Variants in GMCL2 observed in about 807,000 individuals in gnomAD.
GMCL2 encodes the protein germ cell-less 2, spermatogenesis associated.
A neutral mutation model predicts 36.2 loss-of-function variants in GMCL2; 33 were observed. The ratio of observed to expected loss-of-function variants is 0.91; its 90% CI spans 0.69 to 1.22. The LOEUF is 1.22. Ranked by LOEUF, GMCL2 falls within the 50% of genes most tolerant of loss-of-function variation. The pLI is 0.00. For synonymous variants in GMCL2, 172 were observed against 184.3 expected, an observed-to-expected ratio of 0.93 and a Z score of 0.54; for missense variants, 478 against 514.5, an observed-to-expected ratio of 0.93 and a Z score of 0.69.
Position 178,185,687 on chromosome 5 carries a change from C to T in GMCL2, c.*32G>A. On this transcript the variant is annotated 3_prime_UTR_variant, in exon 1 of 1. Transcript: ENST00000463439. The stretch of plus-strand genomic sequence containing the variant: ...AAATTAAAGCTGGCCTGAAAGTTTT[C>T]AAAGTGCTACTGTTTCCAACTGATG... 3.0e-6 allele frequency: 2 copies of T among 671,554 alleles called. No individual in the cohort carries two copies. The highest frequency in any genetic ancestry group is 3.0e-5 in the South Asian group (2 of 67,692). 41.6% of individuals were successfully genotyped at this position (671,554 alleles called of 1,614,324 possible). A position where few individuals can be genotyped will look rare whatever the true frequency, so the allele number is the denominator to read the frequency against.
In GMCL2 at chr5:178,186,773, A is replaced by G. The variant is rs549848250; in HGVS notation, c.527T>C (p.Ile176Thr). 2.5e-6 allele frequency: 4 copies of G among 1,609,356 alleles called. No individual in the cohort carries two copies. Among genetic ancestry groups the G allele is most frequent in the Non-Finnish European group, 3.4e-6 (4 of 1,175,650 alleles). The stretch of plus-strand genomic sequence containing the variant: ...AATGGCAACAACTCGACTGGGTTTT[A>G]TCAAGACATCATCTCGATACAGTGA... The part of the protein sequence containing the change: ...FGSLYRDDVL[I>T]KPSRVVAILA... The change falls in exon 1 of 1, where the codon ATA becomes ACA. Residue 176 changes from isoleucine to threonine, a missense_variant. By Grantham distance (89) the Ile-to-Thr change is moderately conservative. Transcript: ENST00000463439.
Position 178,187,187 on chromosome 5 carries a change from G to T in GMCL2, c.113C>A (p.Ala38Glu), listed in dbSNP as rs749901075. The change falls in exon 1 of 1, where the codon GCG becomes GAG. Residue 38 changes from alanine (A) to glutamate (E), a missense_variant. By Grantham distance (107) the Ala-to-Glu change is moderately radical. This residue lies in a region of GMCL2 where 127 missense variants were observed against 86.4 expected (regional missense o/e 1.47). Coordinates refer to ENST00000463439, the MANE Select transcript of GMCL2 (RefSeq NM_001358008.2). The part of the protein sequence containing the change: ...SARRPDTGDD[A>E]ASYGFCYCPG... ...GCAGTAACAGAAGCCGTAGCTCGCC[G>T]CATCGTCTCCAGTGTCCGGCCTCCG... 8.2e-7 allele frequency: 1 copy of T among 1,220,126 alleles called. No homozygotes were observed. The highest frequency in any genetic ancestry group is 1.2e-6 in the Non-Finnish European group (1 of 845,586). The allele number at this position is 1,220,126 out of a possible 1,614,324, so 75.6% of individuals were successfully genotyped here. A position where few individuals can be genotyped will look rare whatever the true frequency, so the allele number is the denominator to read the frequency against.
At chr5:178,186,283 AAT>A in the GMCL2 span, 1 of 1,088,734 alleles carries the variant, frequency 9.2e-7, no homozygotes. Flanking sequence ...GGTCACTGAT[AAT>A]ATATTGTAAC....
chr5:178,185,938 A>G lies in GMCL2; in HGVS notation c.1362T>C (p.Phe454=). 2 of 768,834 alleles carry G rather than the reference A, an allele frequency of 2.6e-6. No individual in the cohort carries two copies. 47.6% of individuals were successfully genotyped at this position (768,834 alleles called of 1,614,324 possible). Residue 454 remains phenylalanine (F), a synonymous_variant, in exon 1 of 1, where the codon TTT becomes TTC. Coordinates refer to ENST00000463439, the MANE Select transcript of GMCL2 (RefSeq NM_001358008.2). ...TATCAAAAGAAGCCAAGCGTAATCT[A>G]AATGCTATGCTCCTTCGAGGCCGTA... ...VSLRPRRSIA[F]RLRLASFDSS...
At position 178,186,906 on chromosome 5, in the gene GMCL2, A is replaced by G. The variant is rs1226603812; in HGVS notation, c.394T>C (p.Phe132Leu). Residue 132 changes from phenylalanine (F) to leucine (L), a missense_variant, in exon 1 of 1, where the codon TTT becomes CTT. Around this residue, in one of 5 missense-constraint regions of GMCL2, gnomAD observed 36 missense variants for 78.1 expected, o/e 0.46. Coordinates refer to ENST00000463439, the MANE Select transcript of GMCL2 (RefSeq NM_001358008.2). Reference protein sequence around the residue: ...HKIYLCQSGYFSSMFSGSWKE... With the variant: ...HKIYLCQSGYLSSMFSGSWKE... ...CAAGAACCACTGAACATACTAGAAAAGTAGCCAGATTGACATAAATATATT... is the reference window on the plus strand; with the variant it reads ...CAAGAACCACTGAACATACTAGAAAGGTAGCCAGATTGACATAAATATATT... 1.9e-6 allele frequency: 3 copies of G among 1,601,150 alleles called. No individual in the cohort carries two copies. The highest frequency in any genetic ancestry group is 2.6e-6 in the Non-Finnish European group (3 of 1,168,188).
Position 178,186,789 on chromosome 5 carries a change from G to T in GMCL2, c.511C>A (p.Arg171=), listed in dbSNP as rs535273522. The part of the protein sequence containing the change: ...ALQVAFGSLY[R]DDVLIKPSRV... ...CTGGGTTTTATCAAGACATCATCTC[G>T]ATACAGTGAACCAAACGCAACCTGC... The change falls in exon 1 of 1, where the codon CGA becomes AGA. Residue 171 remains arginine, a synonymous_variant. Transcript: ENST00000463439. The T allele has an allele frequency of 1.2e-6, 2 of 1,609,614 alleles. No homozygotes were observed. The highest frequency in any genetic ancestry group is 2.7e-5 in the African/African-American group (2 of 74,804).
rs1274067306 is a variant in GMCL2 at position 178,187,101 on chromosome 5, G to A, written c.199C>T (p.His67Tyr). 1.9e-6 allele frequency: 2 copies of A among 1,055,170 alleles called. No individual in the cohort carries two copies. The highest frequency in any genetic ancestry group is 2.9e-6 in the Non-Finnish European group (2 of 692,824). The allele number at this position is 1,055,170 out of a possible 1,614,324, so 65.4% of individuals were successfully genotyped here. Reference protein sequence around the residue: ...GACRYCDPDSHREEHEEEGDK... With the variant: ...GACRYCDPDSYREEHEEEGDK... ...CCCTCCTCCTCATGCTCCTCCCTGTGCGAGTCCGGGTCACAGTAGCGGCAG... is the reference window on the plus strand; with the variant it reads ...CCCTCCTCCTCATGCTCCTCCCTGTACGAGTCCGGGTCACAGTAGCGGCAG... The change falls in exon 1 of 1, where the codon CAC becomes TAC. Residue 67 changes from histidine (H) to tyrosine (Y), a missense_variant. Physicochemically the swap from His to Tyr is moderately conservative, Grantham distance 83. Transcript: ENST00000463439.
Position 178,187,136 on chromosome 5 carries a change from C to T in GMCL2, c.164G>A (p.Ser55Asn), listed in dbSNP as rs3812086. Residue 55 changes from serine (S) to asparagine (N), a missense_variant, in exon 1 of 1, where the codon AGC becomes AAC. Transcript: ENST00000463439. Reference protein sequence around the residue: ...YCPGSHKRKRSSGACRYCDPD... With the variant: ...YCPGSHKRKRNSGACRYCDPD... ...GTCACAGTAGCGGCAGGCCCCGCTG[C>T]TCCGCTTGCGCTTGTGACTGCCCGG... 172,190 of 1,149,124 alleles carry T rather than the reference C, an allele frequency of 0.15. 14,532 individuals carry two copies. Among genetic ancestry groups the T allele is most frequent in the East Asian group, 0.3 (11,629 of 39,176 alleles). 71.2% of individuals were successfully genotyped at this position (1,149,124 alleles called of 1,614,324 possible). A position where few individuals can be genotyped will look rare whatever the true frequency, so the allele number is the denominator to read the frequency against.
Position 178,187,363 on chromosome 5 carries a change from GC to G in GMCL2, c.-65del, listed in dbSNP as rs1756722362. On this transcript the variant is annotated 5_prime_UTR_variant, in exon 1 of 1. Transcript: ENST00000463439. ...GGGGGTCTCTGGCCATGGCCCGGCC[GC>G]CGCCGCCAGCCTTCCCCGAGCACAG... 3 of 638,832 alleles carry G rather than the reference GC, an allele frequency of 4.7e-6. No homozygotes were observed. The South Asian group carries it at 5.9e-5, about 12-fold the overall frequency. The allele number at this position is 638,832 out of a possible 1,614,324, so 39.6% of individuals were successfully genotyped here. A position where few individuals can be genotyped will look rare whatever the true frequency, so the allele number is the denominator to read the frequency against.
Position 178,185,564 on chromosome 5 carries a change from T to C in GMCL2, c.*155A>G, listed in dbSNP as rs566498328. ...GATTTTTTTTGTATATGCATAGAAA[T>C]GCAATGAGGATAAGAATAGTCTTCT... On this transcript the variant is annotated 3_prime_UTR_variant, in exon 1 of 1. Transcript: ENST00000463439. Among the ~76,000 whole-genome samples, 2 of 152,338 alleles carry C rather than the reference T, an allele frequency of 1.3e-5. No individual in the cohort carries two copies. Among genetic ancestry groups the C allele is most frequent in the East Asian group, 1.9e-4 (1 of 5,190 alleles).
rs1258146704 is a variant in GMCL2, at chr5:178,186,175, T to A, written c.1125A>T (p.Glu375Asp). ...KQQWFAMLRA[E>D]QDREVGPQEI... Reference sequence around the variant, plus strand: ...CTTGAGGCCCTACCTCACGGTCTTGTTCTGCCCGCAGCATAGCAAACCACT... The same window carrying A: ...CTTGAGGCCCTACCTCACGGTCTTGATCTGCCCGCAGCATAGCAAACCACT... Residue 375 changes from glutamate (E) to aspartate (D), a missense_variant, in exon 1 of 1, where the codon GAA (glutamate) becomes GAT (aspartate). Transcript: ENST00000463439. The A allele has an allele frequency of 1.2e-6, 1 of 828,676 alleles. No homozygotes were observed. Among genetic ancestry groups the A allele is most frequent in the Non-Finnish European group, 2.2e-6 (1 of 462,396 alleles). The allele number at this position is 828,676 out of a possible 1,614,324, so 51.3% of individuals were successfully genotyped here.
In GMCL2 at chr5:178,187,081, C is replaced by T. The variant is rs1044510364; in HGVS notation, c.219G>A (p.Glu73=). ...DPDSHREEHE[E]EGDKQQPLLN... ...GGAGCGGCTGCTGCTTGTCCCCCTC[C>T]TCCTCATGCTCCTCCCTGTGCGAGT... Residue 73 remains glutamate (E), a synonymous_variant, in exon 1 of 1, where the codon GAG becomes GAA. Transcript: ENST00000463439. 2.1e-5 allele frequency: 22 copies of T among 1,041,662 alleles called. No individual in the cohort carries two copies. Among genetic ancestry groups the T allele is most frequent in the African/African-American group, 6.2e-5 (4 of 64,546 alleles). The allele number at this position is 1,041,662 out of a possible 1,614,324, so 64.5% of individuals were successfully genotyped here. A position where few individuals can be genotyped will look rare whatever the true frequency, so the allele number is the denominator to read the frequency against.
Position 178,186,992 on chromosome 5 carries a change from A to G in GMCL2, c.308T>C (p.Leu103Ser), listed in dbSNP as rs759850910. Residue 103 changes from leucine (L) to serine (S), a missense_variant, in exon 1 of 1, where the codon TTG (leucine) becomes TCG (serine). Leu to Ser is a moderately radical substitution (Grantham distance 145). Around this residue, in one of 5 missense-constraint regions of GMCL2, gnomAD observed 36 missense variants for 78.1 expected, o/e 0.46. Transcript: ENST00000463439. Reference sequence around the variant, plus strand: ...CTTAATGTCACTGTTTTCACCATTCAAAAATAATGTTTGATAAATATATTT... The same window carrying G: ...CTTAATGTCACTGTTTTCACCATTCGAAAATAATGTTTGATAAATATATTT... ...TSKYIYQTLF[L>S]NGENSDIKIC... The G allele has an allele frequency of 2.1e-6, 3 of 1,460,840 alleles. No individual in the cohort carries two copies. The highest frequency in any genetic ancestry group is 2.9e-6 in the Non-Finnish European group (3 of 1,041,900). The allele number at this position is 1,460,840 out of a possible 1,614,324, so 90.5% of individuals were successfully genotyped here. A position where few individuals can be genotyped will look rare whatever the true frequency, so the allele number is the denominator to read the frequency against.
Position 178,184,630 on chromosome 5 carries a change from C to G in GMCL2, c.*1089G>C, listed in dbSNP as rs1235638309. On this transcript the variant is annotated 3_prime_UTR_variant, in exon 1 of 1. Coordinates refer to ENST00000463439, the MANE Select transcript of GMCL2 (RefSeq NM_001358008.2). ...CTAACTGGAAAGAAAATGAACATGG[C>G]TCTATTCAAAACAGCAGTAAACACA... is the stretch of plus-strand genomic sequence containing the variant. Among the ~76,000 whole-genome samples the G allele has an allele frequency of 6.6e-6, 1 of 152,146 alleles. No homozygotes were observed. Among genetic ancestry groups the G allele is most frequent in the East Asian group, 1.9e-4 (1 of 5,198 alleles).
In GMCL2 at chr5:178,185,021, CT is replaced by C. The variant is rs1182389009; in HGVS notation, c.*697del. Among the ~76,000 whole-genome samples, 3 of 152,144 alleles carry C rather than the reference CT, an allele frequency of 2.0e-5. No homozygotes were observed. The highest frequency in any genetic ancestry group is 2.9e-5 in the Non-Finnish European group (2 of 68,026). ...GACAAGAAATATCCCTGGAATCAAACTGATTTTTCACGCATTCAAGATCATT... is the reference window on the plus strand; with the variant it reads ...GACAAGAAATATCCCTGGAATCAAACGATTTTTCACGCATTCAAGATCATT... On this transcript the variant is annotated 3_prime_UTR_variant, in exon 1 of 1. Transcript: ENST00000463439.
chr5:178,186,713 A>G lies in GMCL2; in HGVS notation c.587T>C (p.Leu196Ser). Residue 196 changes from leucine (L) to serine (S), a missense_variant, in exon 1 of 1, where the codon TTA (leucine) becomes TCA (serine). Around this residue, in one of 5 missense-constraint regions of GMCL2, gnomAD observed 175 missense variants for 208.0 expected, o/e 0.84. Transcript: ENST00000463439. ...AAACMLQLDGLIQQCGETMKE... is the reference protein window; with the variant it reads ...AAACMLQLDGSIQQCGETMKE... ...CATTGTCTCACCACACTGCTGTATT[A>G]AACCATCCAGCTGCAGCATACAAGC... is the stretch of plus-strand genomic sequence containing the variant. 1 of 1,451,812 alleles carries G rather than the reference A, an allele frequency of 6.9e-7. No individual in the cohort carries two copies. The highest frequency in any genetic ancestry group is 9.7e-7 in the Non-Finnish European group (1 of 1,031,828). 89.9% of individuals were successfully genotyped at this position (1,451,812 alleles called of 1,614,324 possible). A position where few individuals can be genotyped will look rare whatever the true frequency, so the allele number is the denominator to read the frequency against.
In GMCL2 at chr5:178,185,602, C is replaced by T. The variant is rs1756681648; in HGVS notation, c.*117G>A. ...AGAATAGTCTTCTGTATTGTCCGTA[C>T]AGTTCATAAGGCCTTTGTCATTGTT... On this transcript the variant is annotated 3_prime_UTR_variant, in exon 1 of 1. Coordinates refer to ENST00000463439, the MANE Select transcript of GMCL2 (RefSeq NM_001358008.2). 1 of 501,422 alleles carries T rather than the reference C, an allele frequency of 2.0e-6. No homozygotes were observed. Among genetic ancestry groups the T allele is most frequent in the South Asian group, 2.0e-5 (1 of 49,410 alleles). The allele number at this position is 501,422 out of a possible 1,614,324, so 31.1% of individuals were successfully genotyped here. A position where few individuals can be genotyped will look rare whatever the true frequency, so the allele number is the denominator to read the frequency against.
In GMCL2 at chr5:178,187,322, C is replaced by T. The variant is rs1176233800; in HGVS notation, c.-23G>A. The T allele has an allele frequency of 2.5e-6, 2 of 804,372 alleles. No homozygotes were observed. The highest frequency in any genetic ancestry group is 2.8e-5 in the Admixed American group (1 of 36,266). The allele number at this position is 804,372 out of a possible 1,614,324, so 49.8% of individuals were successfully genotyped here. The stretch of plus-strand genomic sequence containing the variant: ...CATGGGTCACGGCTCCCCAGGACTT[C>T]AGGGAGCCCAGAGGAGGGGGTCTCT... On this transcript the variant is annotated 5_prime_UTR_variant, in exon 1 of 1. The change abolishes the stop of an existing upstream ORF in the 5' untranslated region. Coordinates refer to ENST00000463439, the MANE Select transcript of GMCL2 (RefSeq NM_001358008.2).
Position 178,186,052 on chromosome 5 carries a change from G to A in GMCL2, c.1248C>T (p.Phe416=), listed in dbSNP as rs776853466. 8 of 775,284 alleles carry A rather than the reference G, an allele frequency of 1.0e-5. No individual in the cohort carries two copies. Among genetic ancestry groups the A allele is most frequent in the East Asian group, 7.4e-5 (3 of 40,812 alleles). The allele number at this position is 775,284 out of a possible 1,614,324, so 48.0% of individuals were successfully genotyped here. The part of the protein sequence containing the change: ...EYYWCWTGFN[F]GFDLLVIYTN... ...TGTAAATTACAAGTAGGTCAAAGCCGAAGTTAAAACCCGTCCAACACCAGT... is the reference window on the plus strand; with the variant it reads ...TGTAAATTACAAGTAGGTCAAAGCCAAAGTTAAAACCCGTCCAACACCAGT... The change falls in exon 1 of 1, where the codon TTC becomes TTT. Residue 416 remains phenylalanine (F), a synonymous_variant. Transcript: ENST00000463439.
Sources: gnomAD v4.1 joint callset for allele counts (sites outside exome capture counted in the v4.1 genomes callset) on GRCh38, gnomAD v4.1.1 for gene constraint, gnomAD v4.1.1 regional missense constraint, MANE v1.5 for transcripts, NCBI Gene and HGNC (gene_info 2026-07-23, HGNC 2026-07-21) for gene names.